Variants in ACSS3 observed in about 807,000 individuals in gnomAD.
ACSS3 encodes the protein acyl-CoA synthetase short chain family member 3, also known as acyl-CoA synthetase short-chain family member 3, mitochondrial.
A neutral mutation model predicts 84.2 loss-of-function variants in ACSS3; 64 were observed. The ratio of observed to expected loss-of-function variants is 0.76; its 90% CI spans 0.62 to 0.94. The LOEUF is 0.94. ACSS3 is among the 40% of genes least tolerant of loss of function. ACSS3 has a pLI of 0.00. For synonymous variants in ACSS3, 317 were observed against 310.1 expected (o/e 1.02, Z -0.23); for missense variants, 815 against 867.6 (o/e 0.94, Z 0.76).
intron 4 of ACSS3, among the ~76,000 whole-genome samples, chr12:81,141,625 A>G (rs1385780833): frequency 1.3e-5 from 2 of 152,168 alleles, no homozygotes; most frequent in Non-Finnish European, 2.9e-5. Flanking sequence ...ATAACCATTT[A>G]TTGAAGTCCT....
In ACSS3 at chr12:81,151,922, G is replaced by C. The variant is rs1191543281; in HGVS notation, c.1000G>C (p.Glu334Gln). 6.2e-7 allele frequency: 1 copy of C among 1,613,836 alleles called. No homozygotes were observed. The highest frequency in any genetic ancestry group is 1.1e-5 in the South Asian group (1 of 91,008). ...TTCCATATACGGACTTCAACCCGGA[G>C]AGGTAATCGTGGTTTTAAATTTACA... Reference protein sequence around the residue: ...MSSIYGLQPGEVWWAASDLGW... With the variant: ...MSSIYGLQPGQVWWAASDLGW... Residue 334 changes from glutamate to glutamine, a missense_variant and splice_region_variant, in exon 6 of 16, where the codon GAG becomes CAG. Coordinates refer to ENST00000548058, the MANE Select transcript of ACSS3 (RefSeq NM_024560.4).
chr12:81,139,927 G>A (rs1005674217), intron 4 of ACSS3, among the ~76,000 whole-genome samples: 9 of 152,034 alleles, frequency 5.9e-5, no homozygotes, highest in Admixed American at 1.3e-4. Flanking sequence ...GAGCCACCGC[G>A]CCCGGCCATA....
At chr12:81,219,652 T>C (rs1244033803) in intron 10 of ACSS3, among the ~76,000 whole-genome samples, 1 of 152,132 alleles carries the variant, frequency 6.6e-6, no homozygotes, top group African/African-American at 2.4e-5. Context: ...TTTTTTGGTG[T>C]GTTTGAAAAC....
intron 1 of ACSS3, among the ~76,000 whole-genome samples, chr12:81,109,066 G>A (rs999560024): frequency 2.0e-5 from 3 of 152,164 alleles, no homozygotes; most frequent in South Asian, 2.1e-4. Context: ...TTGTGAAATT[G>A]TAGGCATCAC....
intron 2 of ACSS3, among the ~76,000 whole-genome samples, chr12:81,112,365 TAAG>T (rs1172854211): frequency 6.6e-6 from 1 of 152,316 alleles, no homozygotes; most frequent in Admixed American, 6.5e-5. Context: ...AAACCTAAAA[TAAG>T]AAGAATTGTT....
chr12:81,100,969 C>T (rs1489853551), intron 1 of ACSS3, among the ~76,000 whole-genome samples: 1 of 152,142 alleles, frequency 6.6e-6, no homozygotes, highest in Non-Finnish European at 1.5e-5. Flanking sequence ...AGGAAGGCAA[C>T]CAAAATCATG....
chr12:81,144,907 T>TC (rs1229013051), intron 5 of ACSS3, among the ~76,000 whole-genome samples: 23 of 142,614 alleles, frequency 1.6e-4, no homozygotes, highest in South Asian at 4.6e-4. Context: ...TCTTTTCTTT[T>TC]TTTTTTTTTT....
intron 1 of ACSS3, among the ~76,000 whole-genome samples, chr12:81,083,736 C>G (rs1315791960): frequency 6.6e-6 from 1 of 152,010 alleles, no homozygotes; most frequent in Non-Finnish European, 1.5e-5. Flanking sequence ...CTTTGGGAGG[C>G]TGAGGCAGGC....
rs747927464 is a variant in ACSS3 at position 81,233,452 on chromosome 12, C to A, written c.1700C>A (p.Ser567Tyr). The A allele has an allele frequency of 2.5e-6, 4 of 1,610,874 alleles. No homozygotes were observed. The Admixed American group carries it at 6.7e-5, about 27-fold the overall frequency. The change falls in exon 13 of 16, where the codon TCT becomes TAT. Residue 567 changes from serine to tyrosine, a missense_variant. By Grantham distance (144) the Ser-to-Tyr change is moderately radical. Transcript: ENST00000548058. ...DVINVAGHRI[S>Y]AGAIEESILS... The stretch of plus-strand genomic sequence containing the variant: ...ATAAATGTTGCAGGTCACAGAATTT[C>A]TGCAGGCGCCATTGAAGAGGTATTG...
intron 2 of ACSS3, among the ~76,000 whole-genome samples, chr12:81,112,001 T>TACAG (rs1248095963): frequency 1.3e-5 from 2 of 152,202 alleles, no homozygotes; most frequent in Non-Finnish European, 2.9e-5. Context: ...GGATTAAGTA[T>TACAG]ACAGAGACAG....
chr12:81,079,343 G>T (rs898431029), intron 1 of ACSS3, among the ~76,000 whole-genome samples: 2 of 152,128 alleles, frequency 1.3e-5, no homozygotes, highest in African/African-American at 4.8e-5. Flanking sequence ...GCCCTCTGGG[G>T]GTGTGATTGC....
rs1331438854 is a variant in ACSS3, at chr12:81,257,302, A to G, written c.*2380A>G. The G allele has an allele frequency of 6.6e-6, 1 of 152,170 alleles. No homozygotes were observed. Among genetic ancestry groups the G allele is most frequent in the Admixed American group, 6.6e-5 (1 of 15,258 alleles). The allele number at this position is 152,170 out of a possible 1,614,324, so 9.4% of individuals were successfully genotyped here. On this transcript the variant is annotated 3_prime_UTR_variant, in exon 16 of 16. Transcript: ENST00000548058. ...ATGTTGTTACTTTTATGTGATGAAA[A>G]AATAGGGCAAGAAAGATATACCTGA...
chr12:81,185,782 T>C (rs2031221822), intron 8 of ACSS3, among the ~76,000 whole-genome samples: 1 of 151,724 alleles, frequency 6.6e-6, no homozygotes, highest in African/African-American at 2.4e-5. Context: ...ATCCATACTA[T>C]CAAGAGCAAT....
chr12:81,131,481 T>A (rs1345747661), intron 2 of ACSS3, among the ~76,000 whole-genome samples: 1 of 152,218 alleles, frequency 6.6e-6, no homozygotes, highest in Non-Finnish European at 1.5e-5. Flanking sequence ...TGATTTTGTA[T>A]CCTAAGACTC....
At chr12:81,216,783 A>G (rs1315227554) in intron 9 of ACSS3, 118 bp from the exon 10 acceptor site, 4 of 685,626 alleles carry the variant, frequency 5.8e-6, no homozygotes, top group South Asian at 3.5e-5. Context: ...CTATTCATCT[A>G]TTCCTAACAC....
intron 9 of ACSS3, among the ~76,000 whole-genome samples, chr12:81,214,012 G>A (rs1177520268): frequency 2.0e-5 from 1 of 48,848 alleles, no homozygotes; most frequent in Non-Finnish European, 4.0e-5. Context: ...TCTTTCATCT[G>A]TCTGTCTGTC....
chr12:81,254,660 T>C (rs1290543366), intron 15 of ACSS3, among the ~76,000 whole-genome samples, 197 bp from the exon 16 acceptor site: 1 of 152,196 alleles, frequency 6.6e-6, no homozygotes, highest in Non-Finnish European at 1.5e-5. Context: ...TTTTGCTAAC[T>C]GAACTGTTTA....
intron 4 of ACSS3, among the ~76,000 whole-genome samples, chr12:81,140,511 T>C (rs1186418150): frequency 6.6e-6 from 1 of 152,120 alleles, no homozygotes; most frequent in Non-Finnish European, 1.5e-5. Context: ...GAGAACAGAG[T>C]GTTAAAAATA....
chr12:81,230,935 G>T, intron 11 of ACSS3, 122 bp from the exon 12 acceptor site: 3 of 772,046 alleles, frequency 3.9e-6, no homozygotes, highest in South Asian at 1.6e-5. Flanking sequence ...AGATTTAGGG[G>T]TTATATTTCA....
Sources: allele counts gnomAD v4.1 joint callset (sites outside exome capture counted in the v4.1 genomes callset), GRCh38; gene constraint gnomAD v4.1.1; transcripts MANE v1.5; gene names NCBI Gene and HGNC (gene_info 2026-07-23, HGNC 2026-07-21).